NRXN3: variants seen among roughly 807,000 people sequenced by gnomAD.
The protein encoded by NRXN3 is neurexin 3, also known as neurexin III.
Under a neutral mutation model 137.6 loss-of-function variants are expected in NRXN3, and 32 were observed. That is an observed-to-expected ratio of 0.23 (90% confidence interval 0.18 to 0.31). NRXN3 has a LOEUF of 0.31. NRXN3 is among the 10% of genes least tolerant of loss of function. The pLI is 1.00. For missense variants in NRXN3, 1,574 were observed against 2,062.5 expected, an observed-to-expected ratio of 0.76 and a Z score of 4.59; for synonymous variants, 798 against 784.5, an observed-to-expected ratio of 1.02 and a Z score of -0.29.
intron 6 of NRXN3, chr14:78,703,849 T>G (rs914578684): frequency 6.6e-6 from 1 of 152,230 alleles, no homozygotes; most frequent in Non-Finnish European, 1.5e-5. Context: ...GAAGTTGTCC[T>G]CTATGCAGAT....
chr14:79,150,046 T>C (rs1045898525), intron 15 of NRXN3, among the ~76,000 whole-genome samples: 1 of 152,064 alleles, frequency 6.6e-6, no homozygotes, highest in African/African-American at 2.4e-5. Flanking sequence ...TGTTTTTTTT[T>C]AAGCAAAAGT....
intron 16 of NRXN3, among the ~76,000 whole-genome samples, chr14:79,481,061 T>A (rs939401026): frequency 6.6e-5 from 10 of 152,148 alleles, no homozygotes; most frequent in Admixed American, 2.6e-4. Context: ...CTACTGTCTG[T>A]CAAGTGTAGT....
rs74064156 is a variant in NRXN3, at chr14:78,624,068, A to G, written c.758-21052A>G. ...TTGATTAGCGTGCCCTTTCAGCCCAATGTAGGATTTTCTATGGACTATGAT... is the reference window on the plus strand; with the variant it reads ...TTGATTAGCGTGCCCTTTCAGCCCAGTGTAGGATTTTCTATGGACTATGAT... On this transcript the variant is annotated intron_variant, in intron 4 of 20. Transcript: ENST00000335750. Among the ~76,000 whole-genome samples, 441 of 152,314 alleles carry G rather than the reference A, an allele frequency of 2.9e-3. 4 individuals carry two copies. The highest frequency in any genetic ancestry group is 8.6e-3 in the African/African-American group (357 of 41,578).
chr14:79,378,891 A>AC (rs1415891802), intron 15 of NRXN3, among the ~76,000 whole-genome samples: 48 of 146,362 alleles, frequency 3.3e-4, no homozygotes, highest in African/African-American at 1.1e-3. Flanking sequence ...AAAAAAAAAA[A>AC]CCCTGAAGAG....
chr14:78,712,625 C>T lies in NRXN3; in HGVS notation c.1661-2131C>T, dbSNP rs1390508814. Among the ~76,000 whole-genome samples, 8 of 152,196 alleles carry T rather than the reference C, an allele frequency of 5.3e-5. No homozygotes were observed. The East Asian group carries it at 5.8e-4, about 11-fold the overall frequency. On this transcript the variant is annotated intron_variant, in intron 7 of 20. Transcript: ENST00000335750. ...CCACCCAGCTTGGAGTGCAGTGGCA[C>T]GATCTCAGCTCTCTGCAATCCCCAC...
At chr14:79,260,386 A>G (rs2077416493) in intron 15 of NRXN3, among the ~76,000 whole-genome samples, 1 of 152,188 alleles carries the variant, frequency 6.6e-6, no homozygotes, top group African/African-American at 2.4e-5. Context: ...ATAAAACATG[A>G]TTAATCTCAC....
chr14:79,854,191 CA>C (rs2099397631), intron 20 of NRXN3: 3 of 973,900 alleles, frequency 3.1e-6, no homozygotes, highest in Non-Finnish European at 3.7e-6. Flanking sequence ...TCTTTCATGC[CA>C]AAAAACATGC....
intron 10 of NRXN3, among the ~76,000 whole-genome samples, chr14:78,810,584 A>G (rs1299840229): frequency 1.3e-5 from 2 of 152,062 alleles, no homozygotes; most frequent in Admixed American, 6.5e-5. Context: ...CATTTGCTCT[A>G]TATGAAGAAA....
chr14:78,174,779 G>T (rs1463861099), intron 1 of NRXN3, among the ~76,000 whole-genome samples: 1 of 152,172 alleles, frequency 6.6e-6, no homozygotes, highest in East Asian at 1.9e-4. Context: ...GGAAGAAACT[G>T]CTCCTGCCTC....
At chr14:79,104,251 A>G (rs770673951) in intron 15 of NRXN3, among the ~76,000 whole-genome samples, 5 of 152,178 alleles carry the variant, frequency 3.3e-5, no homozygotes, top group Admixed American at 1.3e-4. Flanking sequence ...ACATCCACAT[A>G]TTTCCCTTCC....
At chr14:79,603,527 C>A (rs972358286) in intron 16 of NRXN3, among the ~76,000 whole-genome samples, 4 of 152,104 alleles carry the variant, frequency 2.6e-5, no homozygotes, top group African/African-American at 9.7e-5. Context: ...ATATTTATTC[C>A]TTTTCCTGCA....
intron 15 of NRXN3, among the ~76,000 whole-genome samples, chr14:79,406,268 C>T (rs982372864): frequency 1.4e-5 from 2 of 144,728 alleles, no homozygotes; most frequent in African/African-American, 2.5e-5. Context: ...CCCATCCTCT[C>T]CCCTCCTCTC....
At chr14:78,274,559 G>A (rs748282469) in intron 2 of NRXN3, among the ~76,000 whole-genome samples, 15 of 152,156 alleles carry the variant, frequency 9.9e-5, no homozygotes, top group African/African-American at 2.2e-4. Flanking sequence ...CAGCAAAACC[G>A]TATCAGGTTA....
At chr14:79,769,107 G>A (rs2099067346) in intron 19 of NRXN3, among the ~76,000 whole-genome samples, 2 of 151,710 alleles carry the variant, frequency 1.3e-5, no homozygotes, top group Non-Finnish European at 1.5e-5. Flanking sequence ...AAGCCTCCAA[G>A]AAATATGGGA....
intron 4 of NRXN3, among the ~76,000 whole-genome samples, chr14:78,609,113 GCT>G (rs2097277734): frequency 6.6e-6 from 1 of 152,138 alleles, no homozygotes; most frequent in African/African-American, 2.4e-5. Context: ...ACTTTGAATA[GCT>G]CAGTCAGGAT....
Position 79,864,138 on chromosome 14 carries a change from T to G in NRXN3, c.*2174T>G, listed in dbSNP as rs1273108845. 1 of 152,650 alleles carries G rather than the reference T, an allele frequency of 6.6e-6. No homozygotes were observed. The highest frequency in any genetic ancestry group is 1.5e-5 in the Non-Finnish European group (1 of 68,024). 9.5% of individuals were successfully genotyped at this position (152,650 alleles called of 1,614,324 possible). A position where few individuals can be genotyped will look rare whatever the true frequency, so the allele number is the denominator to read the frequency against. ...TAAAAGATTGCTGTTCTTGGAGTCT[T>G]GAGGTCTTGTGAATTGATTTCCTGC... On this transcript the variant is annotated 3_prime_UTR_variant, in exon 21 of 21. Transcript: ENST00000335750.
At chr14:78,257,039 T>C (rs1029262591) in intron 2 of NRXN3, among the ~76,000 whole-genome samples, 4 of 152,188 alleles carry the variant, frequency 2.6e-5, no homozygotes, top group African/African-American at 7.2e-5. Context: ...GTGGTCTTGA[T>C]TGACCTGCCA....
At chr14:78,610,763 C>T (rs1477726046) in intron 4 of NRXN3, among the ~76,000 whole-genome samples, 1 of 152,178 alleles carries the variant, frequency 6.6e-6, no homozygotes, top group Non-Finnish European at 1.5e-5. Context: ...CCATGGGGGG[C>T]AGGTGTGGGG....
At chr14:78,343,373 A>G (rs1260731687) in intron 4 of NRXN3, among the ~76,000 whole-genome samples, 1 of 152,206 alleles carries the variant, frequency 6.6e-6, no homozygotes, top group African/African-American at 2.4e-5. Context: ...TGTTGACATT[A>G]TCCATCTGTG....
Sources: allele counts gnomAD v4.1 joint callset (sites outside exome capture counted in the v4.1 genomes callset), GRCh38; gene constraint gnomAD v4.1.1; transcripts MANE v1.5; gene names NCBI Gene and HGNC (gene_info 2026-07-23, HGNC 2026-07-21).